ZBTB40: variants seen among roughly 807,000 people sequenced by gnomAD.
ZBTB40 encodes the protein zinc finger and BTB domain containing 40, also known as zinc finger and BTB domain-containing protein 40.
Under a neutral mutation model 117.5 loss-of-function variants are expected in ZBTB40, and 60 were observed. The observed-to-expected ratio is 0.51, with a 90% CI of 0.41 to 0.63. The LOEUF (loss-of-function observed/expected upper bound fraction) is 0.63. Ranked by LOEUF, ZBTB40 falls within the 30% of genes least tolerant of loss-of-function variation. ZBTB40 has a pLI of 0.00. For missense variants in ZBTB40, 1,287 were observed against 1,498.5 expected, an observed-to-expected ratio of 0.86 and a Z score of 2.33; for synonymous variants, 525 against 577.1, an observed-to-expected ratio of 0.91 and a Z score of 1.29.
chr1:22,463,021 C>T (rs1641166770), intron 1 of ZBTB40, among the ~76,000 whole-genome samples: 1 of 152,174 alleles, frequency 6.6e-6, no homozygotes. Flanking sequence ...AACAGTGTTA[C>T]AGGAACTGCT....
intron 1 of ZBTB40, among the ~76,000 whole-genome samples, chr1:22,487,931 C>T (rs1371365246): frequency 6.6e-6 from 1 of 152,134 alleles, no homozygotes; most frequent in Non-Finnish European, 1.5e-5. Flanking sequence ...GCTTTATGTT[C>T]CAGTAATAAT....
At chr1:22,508,389 C>T in intron 7 of ZBTB40, 141 bp from the exon 8 acceptor site, 1 of 1,069,672 alleles carries the variant, frequency 9.3e-7, no homozygotes, top group Non-Finnish European at 1.4e-6. Context: ...TATAAGAAAT[C>T]TCTCAGACTG....
At chr1:22,508,978 C>T in intron 8 of ZBTB40, 122 bp from the exon 9 acceptor site, 1 of 1,522,090 alleles carries the variant, frequency 6.6e-7, no homozygotes, top group Non-Finnish European at 9.1e-7. Flanking sequence ...TCCCCACTGC[C>T]AACCTCAGAT....
chr1:22,518,901 GGAAGACGTTATTAACTTTCAGAAGGGA>G (rs1468837572), intron 13 of ZBTB40, among the ~76,000 whole-genome samples: 1 of 152,162 alleles, frequency 6.6e-6, no homozygotes, highest in African/African-American at 2.4e-5. Flanking sequence ...TCAGGAAAGG[GGAAGACGTTATTAACTTTCAGAAGGGA>G]GAAGACCCAG....
chr1:22,447,481 G>T (rs1011101778), upstream of ZBTB40, among the ~76,000 whole-genome samples: 23 of 152,200 alleles, frequency 1.5e-4, 1 homozygote, highest in Admixed American at 1.2e-3. Flanking sequence ...TGGCAGGTGG[G>T]CTATCATCTT....
chr1:22,488,839 G>T (rs1462257276), intron 1 of ZBTB40, among the ~76,000 whole-genome samples: 1 of 152,144 alleles, frequency 6.6e-6, no homozygotes, highest in Non-Finnish European at 1.5e-5. Context: ...AGGCATGGAG[G>T]CTAATTAGGA....
Position 22,509,233 on chromosome 1 carries a change from G to C in ZBTB40, c.1833G>C (p.Glu611Asp). ...AGCACCTGGCAGAGACTGTGAAAGA[G>C]GTGTGGTGGGAATAAAAAGCGAAAT... ...EEEHLAETVK[E>D]ILSIPSETAS... Residue 611 changes from glutamate to aspartate, a missense_variant and splice_region_variant, in exon 9 of 18, where the codon GAG becomes GAC. This residue lies in a region of ZBTB40 where 870 missense variants were observed against 934.4 expected (regional missense o/e 0.93). Coordinates refer to ENST00000375647, the MANE Select transcript of ZBTB40 (RefSeq NM_014870.4). 6.2e-7 allele frequency: 1 copy of C among 1,614,196 alleles called. No homozygotes were observed. The highest frequency in any genetic ancestry group is 8.5e-7 in the Non-Finnish European group (1 of 1,180,028).
At chr1:22,519,677 G>C (rs1407161391) in intron 13 of ZBTB40, 1 of 329,760 alleles carries the variant, frequency 3.0e-6, no homozygotes. Context: ...TGGGGAGTGT[G>C]CTGGAAATCC....
rs756010766 is a variant in ZBTB40 at position 22,490,308 on chromosome 1, G to A, written c.360G>A (p.Ser120=). Residue 120 remains serine (S), a synonymous_variant, in exon 2 of 18, where the codon TCG becomes TCA. Transcript: ENST00000375647. ...TTCTGACCAGCCTTGTAAACTGCTC[G>A]GTTCAGGGTCAGGTGGTAAGGGATG... ...KNLLTSLVNC[S]VQGQVVRDVS... is the part of the protein sequence containing the mutation. 2.7e-5 allele frequency: 43 copies of A among 1,614,046 alleles called. No homozygotes were observed. The highest frequency in any genetic ancestry group is 5.5e-5 in the South Asian group (5 of 91,088).
intron 1 of ZBTB40, 67 bp downstream of exon 1, chr1:22,452,071 C>T (rs1225127601): frequency 6.6e-6 from 1 of 152,622 alleles, no homozygotes; most frequent in East Asian, 1.9e-4. Flanking sequence ...CCGGGTGCGC[C>T]CTAAATGAGG....
At chr1:22,469,780 G>A (rs902181003) in intron 1 of ZBTB40, among the ~76,000 whole-genome samples, 2 of 151,746 alleles carry the variant, frequency 1.3e-5, no homozygotes, top group African/African-American at 2.4e-5. Context: ...TTAAATGACC[G>A]CCTGCCTTGG....
chr1:22,471,529 C>T (rs1641403645), intron 1 of ZBTB40, among the ~76,000 whole-genome samples: 1 of 152,152 alleles, frequency 6.6e-6, no homozygotes, highest in Non-Finnish European at 1.5e-5. Flanking sequence ...TGGTATCTAC[C>T]TCATTGAGAT....
rs1639253429 is a variant in ZBTB40, at chr1:22,512,040, T to C, written c.2367T>C (p.His789=). The C allele has an allele frequency of 1.9e-6, 3 of 1,614,098 alleles. No homozygotes were observed. The highest frequency in any genetic ancestry group is 2.5e-6 in the Non-Finnish European group (3 of 1,180,036). Residue 789 remains histidine, a synonymous_variant, in exon 11 of 18, where the codon CAT becomes CAC. Transcript: ENST00000375647. ...KELDKHQLEA[H]GAGGEPDAPK... The stretch of plus-strand genomic sequence containing the variant: ...TGGACAAACATCAGCTGGAGGCCCA[T>C]GGTGCAGGTGGAGAGCCCGATGCCC...
intron 1 of ZBTB40, among the ~76,000 whole-genome samples, chr1:22,468,476 T>C (rs1349981604): frequency 1.7e-5 from 2 of 119,842 alleles, no homozygotes; most frequent in African/African-American, 3.3e-5. Context: ...TTTTTTTTTT[T>C]TTTTTTTTTT....
intron 1 of ZBTB40, among the ~76,000 whole-genome samples, chr1:22,430,027 G>A (rs1167826489): frequency 6.6e-6 from 1 of 152,212 alleles, no homozygotes; most frequent in Non-Finnish European, 1.5e-5. Context: ...GATGTCTGCT[G>A]TAAGTTTTTG....
intron 1 of ZBTB40, among the ~76,000 whole-genome samples, chr1:22,489,590 C>T (rs192044780): frequency 6.6e-6 from 1 of 152,224 alleles, no homozygotes; most frequent in African/African-American, 2.4e-5. Context: ...TTCAAAGCTC[C>T]AATCTCATCT....
Position 22,439,544 on chromosome 1 carries a change from A to C in ZBTB40, c.-70+10530A>C, listed in dbSNP as rs529222644. 3.9e-5 allele frequency among the ~76,000 whole-genome samples: 6 copies of C among 152,332 alleles called. No individual in the cohort carries two copies. In the East Asian group the frequency reaches 1.2e-3, roughly 29 times the overall value. On this transcript the variant is annotated intron_variant, in intron 1 of 8. Coordinates refer to the ZBTB40 transcript ENST00000650433. ...CGGTGTTAAATAAGGGTCCAACTTTATTCTTTCATATGTAGTTTTCCCAGC... is the reference window on the plus strand; with the variant it reads ...CGGTGTTAAATAAGGGTCCAACTTTCTTCTTTCATATGTAGTTTTCCCAGC...
rs1222294324 is a variant in ZBTB40 at position 22,431,384 on chromosome 1, G to GTGTGTGTGTATATA, written c.-70+2371_-70+2372insGTGTGTGTATATAT. ...ATTTTGTGTGTGTGTGTGTGTGTGT[G>GTGTGTGTGTATATA]TATATATATATATATATATATATAT... On this transcript the variant is annotated intron_variant, in intron 1 of 8. Coordinates refer to the ZBTB40 transcript ENST00000650433. Among the ~76,000 whole-genome samples, 50 of 119,692 alleles carry GTGTGTGTGTATATA rather than the reference G, an allele frequency of 4.2e-4. 1 individual carries two copies. The highest frequency in any genetic ancestry group is 1.8e-3 in the African/African-American group (48 of 26,956). The allele number at this position is 119,692 out of a possible 152,430, so 78.5% of individuals were successfully genotyped here.
At chr1:22,452,380 C>G (rs891819674) in intron 1 of ZBTB40, among the ~76,000 whole-genome samples, 2 of 152,250 alleles carry the variant, frequency 1.3e-5, no homozygotes, top group Admixed American at 1.3e-4. Context: ...GGACTATGGC[C>G]TTGGGCCTAA....
Sources: allele counts gnomAD v4.1 joint callset (sites outside exome capture counted in the v4.1 genomes callset), GRCh38; gene constraint gnomAD v4.1.1; regional missense constraint gnomAD v4.1.1; transcripts MANE v1.5; gene names NCBI Gene and HGNC (gene_info 2026-07-23, HGNC 2026-07-21).